IMMP2L: variants seen among roughly 807,000 people sequenced by gnomAD.
IMMP2L encodes inner mitochondrial membrane peptidase subunit 2.
A neutral mutation model predicts 19.3 loss-of-function variants in IMMP2L; 18 were observed. The observed-to-expected ratio is 0.93, with a 90% CI of 0.64 to 1.38. The LOEUF is 1.38. IMMP2L is among the 40% of genes most tolerant of loss of function. The pLI, the probability that IMMP2L is intolerant of heterozygous loss-of-function variation, is 0.00. For missense variants in IMMP2L, 233 were observed against 218.2 expected (o/e 1.07, Z -0.43); for synonymous variants, 76 against 73.0 (o/e 1.04, Z -0.21).
rs1334586719 is a variant in IMMP2L at position 111,444,703 on chromosome 7, A to G, written c.239+42535T>C. Among the ~76,000 whole-genome samples, 5 of 152,270 alleles carry G rather than the reference A, an allele frequency of 3.3e-5. No individual in the cohort carries two copies. The South Asian group carries it at 1.0e-3, about 32-fold the overall frequency. On this transcript the variant is annotated intron_variant, in intron 3 of 5. Coordinates refer to ENST00000405709, the MANE Select transcript of IMMP2L (RefSeq NM_032549.4). ...ATTTATATACTTCCTACACTCAGAA[A>G]ATAAACAACAGGACACTGTTAACCC...
At chr7:111,520,624 G>A (rs905052952) in intron 2 of IMMP2L, among the ~76,000 whole-genome samples, 6 of 151,782 alleles carry the variant, frequency 4.0e-5, no homozygotes, top group East Asian at 1.9e-4. Flanking sequence ...TTACCACAAC[G>A]CATGAACTTA....
intron 3 of IMMP2L, among the ~76,000 whole-genome samples, chr7:111,022,728 G>C (rs1003845338): frequency 6.6e-6 from 1 of 152,134 alleles, no homozygotes; most frequent in African/African-American, 2.4e-5. Context: ...GAAGCAGAGA[G>C]GTCACTAATT....
chr7:111,170,289 C>A (rs1806288539), intron 3 of IMMP2L, among the ~76,000 whole-genome samples: 2 of 151,684 alleles, frequency 1.3e-5, no homozygotes, highest in South Asian at 2.1e-4. Context: ...ACCTTCAAAC[C>A]AGGGAATCTA....
chr7:111,503,246 T>C (rs1844496817), intron 2 of IMMP2L, among the ~76,000 whole-genome samples: 1 of 152,050 alleles, frequency 6.6e-6, no homozygotes, highest in Non-Finnish European at 1.5e-5. Flanking sequence ...CCTCAACACA[T>C]ACACCCTCCC....
chr7:111,533,591 T>C (rs1696308379), intron 1 of IMMP2L, among the ~76,000 whole-genome samples: 1 of 152,146 alleles, frequency 6.6e-6, no homozygotes, highest in African/African-American at 2.4e-5. Flanking sequence ...AAGTCGACAT[T>C]CATATTGGGA....
intron 5 of IMMP2L, among the ~76,000 whole-genome samples, chr7:110,792,429 C>T (rs745643818): frequency 6.7e-6 from 1 of 149,504 alleles, no homozygotes; most frequent in African/African-American, 2.6e-5. Flanking sequence ...CCAGACCCTG[C>T]CACTTGGTTG....
intron 5 of IMMP2L, among the ~76,000 whole-genome samples, chr7:110,733,251 A>G (rs1346386864): frequency 6.6e-6 from 1 of 152,112 alleles, no homozygotes; most frequent in Non-Finnish European, 1.5e-5. Flanking sequence ...ACTTTCTACT[A>G]TGATGGTTAT....
chr7:110,975,522 T>C (rs1820598463), intron 3 of IMMP2L, among the ~76,000 whole-genome samples: 1 of 152,170 alleles, frequency 6.6e-6, no homozygotes. Flanking sequence ...CTTTATTACC[T>C]TAACCTTAGC....
intron 3 of IMMP2L, among the ~76,000 whole-genome samples, chr7:111,281,094 GAA>G (rs1819661799): frequency 2.0e-5 from 1 of 51,238 alleles, no homozygotes; most frequent in African/African-American, 1.1e-4. Flanking sequence ...GAAAGAGAGA[GAA>G]AGAGAGAAAG....
chr7:111,220,323 G>C (rs572734929), intron 3 of IMMP2L, among the ~76,000 whole-genome samples: 1 of 151,818 alleles, frequency 6.6e-6, no homozygotes, highest in Non-Finnish European at 1.5e-5. Flanking sequence ...AACATTGTTT[G>C]GTTACCAGAC....
chr7:111,019,299 T>C (rs974784401), intron 3 of IMMP2L, among the ~76,000 whole-genome samples: 2 of 152,170 alleles, frequency 1.3e-5, no homozygotes, highest in South Asian at 2.1e-4. Flanking sequence ...CAGGGCTTCC[T>C]TACTTTTTGC....
chr7:111,262,662 T>C (rs1278679304), intron 3 of IMMP2L, among the ~76,000 whole-genome samples: 1 of 152,132 alleles, frequency 6.6e-6, no homozygotes, highest in African/African-American at 2.4e-5. Context: ...ATGAGGTATA[T>C]CTCCCTAGAT....
intron 3 of IMMP2L, among the ~76,000 whole-genome samples, chr7:111,187,861 C>A (rs953179471): frequency 6.6e-6 from 1 of 152,120 alleles, no homozygotes; most frequent in Admixed American, 6.5e-5. Flanking sequence ...GGCAACCTGG[C>A]TCTGGAATCT....
intron 5 of IMMP2L, among the ~76,000 whole-genome samples, chr7:110,699,362 G>A (rs979734427): frequency 1.3e-5 from 2 of 152,110 alleles, no homozygotes; most frequent in Non-Finnish European, 2.9e-5. Context: ...GGGCTTGCTC[G>A]GTGTGGTTGA....
At chr7:111,378,754 G>C (rs74625275) in intron 3 of IMMP2L, among the ~76,000 whole-genome samples, 3,679 of 151,966 alleles carry the variant, frequency 0.024, 169 homozygotes, top group African/African-American at 0.084. Flanking sequence ...TCAGCTCAAA[G>C]ACTTATTAAA....
intron 4 of IMMP2L, among the ~76,000 whole-genome samples, chr7:110,926,051 G>A (rs917736252): frequency 6.6e-6 from 1 of 151,934 alleles, no homozygotes; most frequent in Non-Finnish European, 1.5e-5. Context: ...GCAAGGATGG[G>A]AGCCCTAGAG....
intron 5 of IMMP2L, among the ~76,000 whole-genome samples, chr7:110,873,778 G>GAA (rs572557458): frequency 9.3e-5 from 11 of 118,720 alleles, no homozygotes; most frequent in South Asian, 2.6e-4. Flanking sequence ...TCTGTCTCAG[G>GAA]AAAAAAAAAA....
intron 2 of IMMP2L, among the ~76,000 whole-genome samples, chr7:111,516,664 C>T (rs1175509852): frequency 6.6e-6 from 1 of 152,070 alleles, no homozygotes; most frequent in Non-Finnish European, 1.5e-5. Context: ...CCAACTGTTT[C>T]AGGAACACAC....
intron 1 of IMMP2L, among the ~76,000 whole-genome samples, chr7:111,530,331 A>G (rs962478443): frequency 6.6e-6 from 1 of 152,224 alleles, no homozygotes; most frequent in African/African-American, 2.4e-5. Flanking sequence ...AGGACTAGTA[A>G]TAACAAATCA....
Sources: allele counts gnomAD v4.1 joint callset (sites outside exome capture counted in the v4.1 genomes callset), GRCh38; gene constraint gnomAD v4.1.1; transcripts MANE v1.5; gene names NCBI Gene and HGNC (gene_info 2026-07-23, HGNC 2026-07-21).